The following NDUFAF2 variants were observed in gnomAD, a reference collection of about 807,000 sequenced individuals.
NDUFAF2 encodes the protein NADH:ubiquinone oxidoreductase complex assembly factor 2.
Under a neutral mutation model 22.8 loss-of-function variants are expected in NDUFAF2, and 13 were observed. The ratio of observed to expected loss-of-function variants is 0.57; its 90% CI spans 0.37 to 0.91. The LOEUF (loss-of-function observed/expected upper bound fraction) is 0.91. Among genes scored for constraint, NDUFAF2 ranks in the 40% least tolerant of loss-of-function variants. The pLI, the probability that NDUFAF2 is intolerant of heterozygous loss-of-function variation, is 0.01. For missense variants in NDUFAF2, 162 were observed against 195.2 expected, an observed-to-expected ratio of 0.83 and a Z score of 1.01; for synonymous variants, 53 against 64.2, an observed-to-expected ratio of 0.83 and a Z score of 0.84.
chr5:60,986,368 T>C (rs573074930), intron 1 of NDUFAF2, among the ~76,000 whole-genome samples: 20 of 152,344 alleles, frequency 1.3e-4, no homozygotes, highest in African/African-American at 4.6e-4. Flanking sequence ...CCTGAATGAC[T>C]TCTTAGTAAA....
At chr5:61,051,652 A>T (rs543070485) in intron 1 of NDUFAF2, among the ~76,000 whole-genome samples, 91 of 152,314 alleles carry the variant, frequency 6.0e-4, no homozygotes, top group African/African-American at 2.1e-3. Flanking sequence ...ATTAAAAAAA[A>T]TGCATTGTAG....
intron 1 of NDUFAF2, among the ~76,000 whole-genome samples, chr5:61,047,575 A>G (rs553625347): frequency 6.6e-6 from 1 of 152,270 alleles, no homozygotes; most frequent in Admixed American, 6.5e-5. Flanking sequence ...GGCTGTTCCC[A>G]CTAGATGCAC....
At chr5:61,111,734 T>G (rs1028890825) in intron 3 of NDUFAF2, among the ~76,000 whole-genome samples, 1 of 152,040 alleles carries the variant, frequency 6.6e-6, no homozygotes, top group African/African-American at 2.4e-5. Context: ...TTCTCCTGCC[T>G]CAGCCTCCTG....
intron 3 of NDUFAF2, among the ~76,000 whole-genome samples, chr5:61,130,089 A>T (rs1463451984): frequency 2.0e-5 from 3 of 152,178 alleles, no homozygotes; most frequent in African/African-American, 7.2e-5. Flanking sequence ...CAAAGGAACC[A>T]ACCTTGATGT....
At chr5:60,962,492 C>G (rs1197982673) in intron 1 of NDUFAF2, among the ~76,000 whole-genome samples, 1 of 152,074 alleles carries the variant, frequency 6.6e-6, no homozygotes, top group African/African-American at 2.4e-5. Flanking sequence ...GAAACTTTAT[C>G]TTTTTGAGAT....
intron 1 of NDUFAF2, among the ~76,000 whole-genome samples, chr5:61,007,600 A>G (rs1455042765): frequency 6.6e-6 from 1 of 152,238 alleles, no homozygotes; most frequent in Non-Finnish European, 1.5e-5. Flanking sequence ...AACCACAACG[A>G]GATACCATCT....
intron 1 of NDUFAF2, among the ~76,000 whole-genome samples, chr5:61,007,786 G>T (rs995664728): frequency 2.0e-5 from 3 of 152,176 alleles, no homozygotes; most frequent in African/African-American, 7.2e-5. Flanking sequence ...ATTTGACCCA[G>T]TCATCCCATT....
At chr5:61,147,291 C>T (rs914690885) in intron 3 of NDUFAF2, among the ~76,000 whole-genome samples, 2 of 151,876 alleles carry the variant, frequency 1.3e-5, no homozygotes, top group African/African-American at 2.4e-5. Context: ...CTCTGTTGCC[C>T]AGGCTGGAGT....
At position 61,116,635 on chromosome 5, in the gene NDUFAF2, T is replaced by C. The variant is rs1299717301; in HGVS notation, c.258+17603T>C. The C allele has an allele frequency of 1.3e-5, 2 of 152,206 alleles. 1 individual carries two copies. The highest frequency in any genetic ancestry group is 2.9e-5 in the Non-Finnish European group (2 of 68,034). The allele number at this position is 152,206 out of a possible 1,614,324, so 9.4% of individuals were successfully genotyped here. On this transcript the variant is annotated intron_variant, in intron 3 of 3. Coordinates refer to ENST00000296597, the MANE Select transcript of NDUFAF2 (RefSeq NM_174889.5). ...CAGTTCTAGTCTAGAATTCTATACC[T>C]AGTTTTATGATTTAAGCTTGAATGT... is the stretch of plus-strand genomic sequence containing the variant.
intron 3 of NDUFAF2, among the ~76,000 whole-genome samples, chr5:61,103,939 A>C (rs1424925387): frequency 6.6e-6 from 1 of 152,262 alleles, no homozygotes; most frequent in East Asian, 1.9e-4. Flanking sequence ...AATAAATTAC[A>C]TGAGATATTT....
chr5:60,993,220 C>G (rs904467267), intron 1 of NDUFAF2, among the ~76,000 whole-genome samples: 1 of 152,230 alleles, frequency 6.6e-6, no homozygotes, highest in African/African-American at 2.4e-5. Flanking sequence ...ACACTGCAGG[C>G]AGCTTCCATA....
At chr5:61,004,955 TAGTTTA>T (rs2112593263) in intron 1 of NDUFAF2, among the ~76,000 whole-genome samples, 1 of 152,116 alleles carries the variant, frequency 6.6e-6, no homozygotes, top group Admixed American at 6.5e-5. Flanking sequence ...CTTATTATTA[TAGTTTA>T]AGTTCTAGGG....
chr5:61,113,026 C>T (rs1561568964), intron 3 of NDUFAF2, among the ~76,000 whole-genome samples: 1 of 151,780 alleles, frequency 6.6e-6, no homozygotes, highest in Non-Finnish European at 1.5e-5. Flanking sequence ...GAAGAGAAAA[C>T]TAATAAAAAC....
chr5:60,946,296 A>C (rs1188544835), intron 1 of NDUFAF2, among the ~76,000 whole-genome samples: 1 of 152,162 alleles, frequency 6.6e-6, no homozygotes, highest in Non-Finnish European at 1.5e-5. Flanking sequence ...AAGTCTCAAC[A>C]TCCTCACTTG....
chr5:61,065,556 A>G (rs1000895459), intron 1 of NDUFAF2, among the ~76,000 whole-genome samples: 1 of 152,136 alleles, frequency 6.6e-6, no homozygotes, highest in African/African-American at 2.4e-5. Flanking sequence ...ACACAAATCA[A>G]TGTGACACTT....
intron 3 of NDUFAF2, among the ~76,000 whole-genome samples, chr5:61,107,946 T>G (rs1296500135): frequency 2.0e-5 from 3 of 150,676 alleles, no homozygotes; most frequent in Admixed American, 1.3e-4. Context: ...GATAGTTTAC[T>G]GAGAATGATG....
intron 1 of NDUFAF2, among the ~76,000 whole-genome samples, chr5:60,999,277 T>G (rs990784853): frequency 2.0e-5 from 3 of 152,052 alleles, no homozygotes; most frequent in Non-Finnish European, 2.9e-5. Flanking sequence ...TGTTCGTAGC[T>G]TCACTATTTA....
At chr5:61,022,676 G>A (rs7714396) in intron 1 of NDUFAF2, among the ~76,000 whole-genome samples, 60,154 of 152,036 alleles carry the variant, frequency 0.4, 12,997 homozygotes, top group East Asian at 0.8. Flanking sequence ...ACGGAGTCTC[G>A]CTCTGTGGCC....
intron 2 of NDUFAF2, among the ~76,000 whole-genome samples, chr5:61,074,951 A>G (rs2111734584): frequency 6.6e-6 from 1 of 152,276 alleles, no homozygotes; most frequent in East Asian, 1.9e-4. Flanking sequence ...GGAACTTCCA[A>G]ATACTTATAA....
Sources: allele counts gnomAD v4.1 joint callset (sites outside exome capture counted in the v4.1 genomes callset), GRCh38; gene constraint gnomAD v4.1.1; transcripts MANE v1.5; gene names NCBI Gene and HGNC (gene_info 2026-07-23, HGNC 2026-07-21).